EMP3: variants seen among roughly 807,000 people sequenced by gnomAD.
EMP3 encodes epithelial membrane protein 3.
A neutral mutation model predicts 21.6 loss-of-function variants in EMP3; 15 were observed. That is an observed-to-expected ratio of 0.69 (90% confidence interval 0.46 to 1.07). The LOEUF (loss-of-function observed/expected upper bound fraction) is 1.07, where lower values mean the gene tolerates loss of function less well. EMP3 is among the 50% of genes least tolerant of loss of function. The pLI, the probability that EMP3 is intolerant of heterozygous loss-of-function variation, is 0.00. For synonymous variants in EMP3, 107 were observed against 86.1 expected (o/e 1.24, Z -1.34); for missense variants, 183 against 206.6 (o/e 0.89, Z 0.70).
Position 48,330,383 on chromosome 19 carries a change from C to T in EMP3, c.405C>T (p.Phe135=), listed in dbSNP as rs763406403. 1 of 1,608,018 alleles carries T rather than the reference C, an allele frequency of 6.2e-7. No individual in the cohort carries two copies. Among genetic ancestry groups the T allele is most frequent in the Non-Finnish European group, 8.5e-7 (1 of 1,177,320 alleles). The stretch of plus-strand genomic sequence containing the variant: ...AGAAGCACCCGCGAGGGGGCAGCTT[C>T]GGATACTGCTTCGCCCTGGCCTGGG... The part of the protein sequence containing the change: ...ILEKHPRGGS[F]GYCFALAWVA... Residue 135 remains phenylalanine, a synonymous_variant, in exon 5 of 5, where the codon TTC becomes TTT. Coordinates refer to ENST00000270221, the MANE Select transcript of EMP3 (RefSeq NM_001425.3).
chr19:48,329,627 G>A lies in EMP3; in HGVS notation c.322+135G>A. 2 of 1,170,742 alleles carry A rather than the reference G, an allele frequency of 1.7e-6. No individual in the cohort carries two copies. The highest frequency in any genetic ancestry group is 3.0e-5 in the South Asian group (2 of 66,358). The allele number at this position is 1,170,742 out of a possible 1,614,324, so 72.5% of individuals were successfully genotyped here. The stretch of plus-strand genomic sequence containing the variant: ...ACTTTCAACACCCCACGAGCCACAA[G>A]AGGTGCCTCCGTGGGCTACATCTCT... On this transcript the variant is annotated intron_variant, in intron 4 of 4. Transcript: ENST00000270221. The surrounding 1 kb of genome is among the most constrained non-coding windows in gnomAD (Gnocchi z 4.5).
intron 1 of EMP3, 49 bp from the exon 2 acceptor site, chr19:48,326,781 T>C (rs748243079): frequency 5.9e-6 from 9 of 1,521,244 alleles, no homozygotes; most frequent in Non-Finnish European, 8.2e-6. Context: ...TGAGTGTGCC[T>C]GGCCTGTGCC....
intron 4 of EMP3, 105 bp from the exon 5 acceptor site, chr19:48,330,196 G>A: frequency 1.4e-6 from 2 of 1,440,086 alleles, no homozygotes; most frequent in Non-Finnish European, 9.1e-7. Flanking sequence ...CCAGCAGGCA[G>A]CGGCGCTGCC....
Position 48,329,616 on chromosome 19 carries a change from A to T in EMP3, c.322+124A>T. 1 of 1,262,684 alleles carries T rather than the reference A, an allele frequency of 7.9e-7. No homozygotes were observed. 78.2% of individuals were successfully genotyped at this position (1,262,684 alleles called of 1,614,324 possible). A position where few individuals can be genotyped will look rare whatever the true frequency, so the allele number is the denominator to read the frequency against. On this transcript the variant is annotated intron_variant, in intron 4 of 4. Coordinates refer to ENST00000270221, the MANE Select transcript of EMP3 (RefSeq NM_001425.3). The surrounding 1 kb of genome is among the most constrained non-coding windows in gnomAD (Gnocchi z 4.5). ...AGAAAAAAACAACTTTCAACACCCC[A>T]CGAGCCACAAGAGGTGCCTCCGTGG...
chr19:48,329,570 C>T lies in EMP3; in HGVS notation c.322+78C>T, dbSNP rs143433005. On this transcript the variant is annotated intron_variant, in intron 4 of 4. Coordinates refer to ENST00000270221, the MANE Select transcript of EMP3 (RefSeq NM_001425.3). The surrounding 1 kb of genome is among the most constrained non-coding windows in gnomAD (Gnocchi z 4.5). The stretch of plus-strand genomic sequence containing the variant: ...GTGGGGTGTGTCAAGATGCTGGGGG[C>T]CCTGAGAATGGGCCTCTCGTAGAAA... The T allele has an allele frequency of 7.2e-4, 1,123 of 1,558,582 alleles. 8 individuals carry two copies. The African/African-American group carries it at 0.014, about 19-fold the overall frequency.
rs1407639611 is a variant in EMP3 at position 48,329,008 on chromosome 19, G to C, written c.182-344G>C. On this transcript the variant is annotated intron_variant, in intron 3 of 4. Transcript: ENST00000270221. This position sits in a 1 kb window ranked among gnomAD's most constrained non-coding sequence, Gnocchi z 4.5. ...GTGGTGGCTTGTGCCTGTGGTCCCA[G>C]CTACTCAGGAGGCAGGGGTGAGAGA... Among the ~76,000 whole-genome samples, 1 of 152,136 alleles carries C rather than the reference G, an allele frequency of 6.6e-6. No homozygotes were observed. Among genetic ancestry groups the C allele is most frequent in the African/African-American group, 2.4e-5 (1 of 41,420 alleles).
At position 48,330,388 on chromosome 19, in the gene EMP3, A is replaced by G. The variant is rs1325206464; in HGVS notation, c.410A>G (p.Tyr137Cys). The stretch of plus-strand genomic sequence containing the variant: ...CACCCGCGAGGGGGCAGCTTCGGAT[A>G]CTGCTTCGCCCTGGCCTGGGTGGCC... The part of the protein sequence containing the change: ...EKHPRGGSFG[Y>C]CFALAWVAFP... The change falls in exon 5 of 5, where the codon TAC becomes TGC. Residue 137 changes from tyrosine (Y) to cysteine (C), a missense_variant. Transcript: ENST00000270221. 2 of 1,607,476 alleles carry G rather than the reference A, an allele frequency of 1.2e-6. No homozygotes were observed. Among genetic ancestry groups the G allele is most frequent in the Non-Finnish European group, 1.7e-6 (2 of 1,177,084 alleles).
At position 48,327,533 on chromosome 19, in the gene EMP3, C is replaced by T. The variant is rs1436089356; in HGVS notation, c.91C>T (p.Leu31Phe). ...CTGTCCATCCCAGTCCTGGTGGACT[C>T]TCCCTGGGAAAGAGTCCCTGAATCT... ...VATLDKSWWT[L>F]PGKESLNLWY... The change falls in exon 3 of 5, where the codon CTC becomes TTC. Residue 31 changes from leucine (L) to phenylalanine (F), a missense_variant. Leu to Phe is a conservative substitution (Grantham distance 22). Transcript: ENST00000270221. The T allele has an allele frequency of 6.2e-7, 1 of 1,613,250 alleles. No homozygotes were observed.
rs1600884546 is a variant in EMP3, at chr19:48,329,431, G to A, written c.261G>A (p.Gln87=). The A allele has an allele frequency of 6.2e-7, 1 of 1,614,082 alleles. No individual in the cohort carries two copies. Among genetic ancestry groups the A allele is most frequent in the East Asian group, 2.2e-5 (1 of 44,882 alleles). ...TCTCCTTCATCCTGTTCATGTTCCA[G>A]CTCTACACCATGCGACGAGGAGGTC... ...CCLSFILFMF[Q]LYTMRRGGLF... Residue 87 remains glutamine (Q), a synonymous_variant, in exon 4 of 5, where the codon CAG becomes CAA. Coordinates refer to ENST00000270221, the MANE Select transcript of EMP3 (RefSeq NM_001425.3). This position sits in a 1 kb window ranked among gnomAD's most constrained non-coding sequence, Gnocchi z 4.5.
At position 48,326,858 on chromosome 19, in the gene EMP3, T is replaced by C. The variant is rs762468860; in HGVS notation, c.14T>C (p.Leu5Ser). MSLL[L>S]LVVSALHILI... ...TCCACTGCAGCCATGTCACTCCTCT[T>C]GCTGGTGGTCTCAGCCCTTCACATC... The change falls in exon 2 of 5, where the codon TTG (leucine) becomes TCG (serine). Residue 5 changes from leucine to serine, a missense_variant. By Grantham distance (145) the Leu-to-Ser change is moderately radical. Transcript: ENST00000270221. 2 of 1,614,012 alleles carry C rather than the reference T, an allele frequency of 1.2e-6. No homozygotes were observed. Among genetic ancestry groups the C allele is most frequent in the Admixed American group, 3.3e-5 (2 of 59,990 alleles).
chr19:48,327,880 T>C (rs1600883635), intron 3 of EMP3: 1 of 450,272 alleles, frequency 2.2e-6, no homozygotes, highest in East Asian at 4.3e-5. Flanking sequence ...CAATCTTGGC[T>C]CACTGCAACC....
At chr19:48,327,276 C>T (rs1372666924) in intron 2 of EMP3, among the ~76,000 whole-genome samples, 1 of 152,104 alleles carries the variant, frequency 6.6e-6, no homozygotes, top group Admixed American at 6.5e-5. Context: ...AAGTGATCCA[C>T]CTGCCTCGGC....
chr19:48,329,332 C>G lies in EMP3; in HGVS notation c.182-20C>G, dbSNP rs1385229876. 6.2e-7 allele frequency: 1 copy of G among 1,613,838 alleles called. No homozygotes were observed. Among genetic ancestry groups the G allele is most frequent in the African/African-American group, 1.3e-5 (1 of 74,926 alleles). On this transcript the variant is annotated intron_variant, in intron 3 of 4. Coordinates refer to ENST00000270221, the MANE Select transcript of EMP3 (RefSeq NM_001425.3). This position sits in a 1 kb window ranked among gnomAD's most constrained non-coding sequence, Gnocchi z 4.5. ...TCTGGACCCACGGTGATGTCCCCCT[C>G]TGTGTCCTCCTTACTGCAGGCTGGC...
intron 3 of EMP3, among the ~76,000 whole-genome samples, chr19:48,328,639 C>T (rs1364529799): frequency 6.6e-6 from 1 of 152,116 alleles, no homozygotes; most frequent in Non-Finnish European, 1.5e-5. Flanking sequence ...ATCTAAAGTT[C>T]TGTGTGAAAG....
chr19:48,330,097 ATAT>A (rs1969181420), intron 4 of EMP3, among the ~76,000 whole-genome samples: 1 of 152,158 alleles, frequency 6.6e-6, no homozygotes, highest in Admixed American at 6.5e-5. Flanking sequence ...GGATAGAGAG[ATAT>A]TATTGGACCT....
rs766233062 is a variant in EMP3, at chr19:48,329,470, C to T, written c.300C>T (p.Thr100=). 1.2e-5 allele frequency: 19 copies of T among 1,613,996 alleles called. No homozygotes were observed. Among genetic ancestry groups the T allele is most frequent in the East Asian group, 4.5e-5 (2 of 44,892 alleles). Residue 100 remains threonine, a synonymous_variant, in exon 4 of 5, where the codon ACC becomes ACT. Transcript: ENST00000270221. This position sits in a 1 kb window ranked among gnomAD's most constrained non-coding sequence, Gnocchi z 4.5. ...GACGAGGAGGTCTCTTCTATGCCAC[C>T]GGCCTCTGCCAGCTTTGCACCAGTG... ...TMRRGGLFYA[T]GLCQLCTSVA...
chr19:48,327,563 T>C lies in EMP3; in HGVS notation c.121T>C (p.Tyr41His). 1 of 1,613,902 alleles carries C rather than the reference T, an allele frequency of 6.2e-7. No individual in the cohort carries two copies. Among genetic ancestry groups the C allele is most frequent in the Non-Finnish European group, 8.5e-7 (1 of 1,179,960 alleles). Reference sequence around the variant, plus strand: ...TGGGAAAGAGTCCCTGAATCTCTGGTACGACTGCACGTGGAACAACGACAC... The same window carrying C: ...TGGGAAAGAGTCCCTGAATCTCTGGCACGACTGCACGTGGAACAACGACAC... ...LPGKESLNLW[Y>H]DCTWNNDTKT... The change falls in exon 3 of 5, where the codon TAC becomes CAC. Residue 41 changes from tyrosine to histidine, a missense_variant. Physicochemically the swap from Tyr to His is moderately conservative, Grantham distance 83 (BLOSUM62 2). Coordinates refer to ENST00000270221, the MANE Select transcript of EMP3 (RefSeq NM_001425.3).
Position 48,330,375 on chromosome 19 carries a change from G to A in EMP3, c.397G>A (p.Gly133Ser), listed in dbSNP as rs1005482637. ...GATCCTGGAGAAGCACCCGCGAGGG[G>A]GCAGCTTCGGATACTGCTTCGCCCT... ...EEILEKHPRG[G>S]SFGYCFALAW... is the part of the protein sequence containing the mutation. The change falls in exon 5 of 5, where the codon GGC (glycine) becomes AGC (serine). Residue 133 changes from glycine to serine, a missense_variant. Physicochemically the swap from Gly to Ser is moderately conservative, Grantham distance 56 (BLOSUM62 0). Coordinates refer to ENST00000270221, the MANE Select transcript of EMP3 (RefSeq NM_001425.3). 1.9e-6 allele frequency: 3 copies of A among 1,607,662 alleles called. No homozygotes were observed. The highest frequency in any genetic ancestry group is 1.7e-6 in the Non-Finnish European group (2 of 1,177,152).
Position 48,329,542 on chromosome 19 carries a change from G to A in EMP3, c.322+50G>A, listed in dbSNP as rs760827042. ...TAATCCCCCAAGAATTGAGCAGAAG[G>A]GAGTGGGGTGTGTCAAGATGCTGGG... On this transcript the variant is annotated intron_variant, in intron 4 of 4. Transcript: ENST00000270221. This position sits in a 1 kb window ranked among gnomAD's most constrained non-coding sequence, Gnocchi z 4.5. 4 of 1,600,658 alleles carry A rather than the reference G, an allele frequency of 2.5e-6. No homozygotes were observed. In the Middle Eastern group the frequency reaches 6.7e-4, roughly 267 times the overall value.
Sources: allele counts gnomAD v4.1 joint callset (sites outside exome capture counted in the v4.1 genomes callset), GRCh38; gene constraint gnomAD v4.1.1; non-coding constraint Gnocchi (gnomAD v3.1); transcripts MANE v1.5; gene names NCBI Gene and HGNC (gene_info 2026-07-23, HGNC 2026-07-21).